The following FBXO3 variants were observed in gnomAD, a reference collection of about 807,000 sequenced individuals.
The protein encoded by FBXO3 is F-box only protein 3.
In FBXO3, 17 loss-of-function variants were observed where a neutral mutation model predicts 64.8. That is an observed-to-expected ratio of 0.26 (90% CI 0.18 to 0.39). FBXO3 has a LOEUF of 0.39. Among genes scored for constraint, FBXO3 ranks in the 10% least tolerant of loss-of-function variants. The pLI, the probability that FBXO3 is intolerant of heterozygous loss-of-function variation, is 1.00. For missense variants in FBXO3, 420 were observed against 589.9 expected (o/e 0.71, Z 2.98); for synonymous variants, 182 against 201.6 (o/e 0.90, Z 0.82).
chr11:33,752,371 G>C (rs991387914), intron 6 of FBXO3, among the ~76,000 whole-genome samples: 1 of 152,128 alleles, frequency 6.6e-6, no homozygotes. Flanking sequence ...ACATCTCAGT[G>C]CCTGGAATGT....
At chr11:33,746,663 C>T (rs773432042) in intron 10 of FBXO3, 23 of 1,091,380 alleles carry the variant, frequency 2.1e-5, no homozygotes, top group Middle Eastern at 2.0e-4. Context: ...ACCCTAAAAA[C>T]GAGATTTTAA....
intron 7 of FBXO3, among the ~76,000 whole-genome samples, chr11:33,751,198 C>G (rs1854947760): frequency 6.6e-6 from 1 of 152,122 alleles, no homozygotes; most frequent in Non-Finnish European, 1.5e-5. Context: ...ACTTGCTATT[C>G]ATAATAAATC....
intron 3 of FBXO3, among the ~76,000 whole-genome samples, chr11:33,765,583 G>C (rs1399071026): frequency 1.3e-5 from 2 of 152,182 alleles, no homozygotes; most frequent in African/African-American, 2.4e-5. Flanking sequence ...AAAGACTAGA[G>C]TTAATCTTTG....
At chr11:33,742,149 A>C in intron 10 of FBXO3, 65 bp from the exon 11 acceptor site, 15 of 1,397,516 alleles carry the variant, frequency 1.1e-5, no homozygotes, top group Non-Finnish European at 1.4e-5. Context: ...ATTTCATGTA[A>C]ATTCTCATTT....
intron 8 of FBXO3, among the ~76,000 whole-genome samples, chr11:33,749,918 A>G (rs1053748723): frequency 1.3e-5 from 2 of 152,134 alleles, no homozygotes; most frequent in African/African-American, 4.8e-5. Flanking sequence ...ATTTTACTCA[A>G]ATACTTCCAG....
In FBXO3 at chr11:33,774,416, A is replaced by G; in HGVS notation, c.82T>C (p.Leu28=). 6.2e-7 allele frequency: 1 copy of G among 1,606,654 alleles called. No homozygotes were observed. The highest frequency in any genetic ancestry group is 8.5e-7 in the Non-Finnish European group (1 of 1,176,720). The change falls in exon 1 of 11, where the codon TTG becomes CTG. Residue 28 remains leucine (L), a synonymous_variant. Transcript: ENST00000265651. ...TDPLLLILSF[L]DYRDLINCCY... The stretch of plus-strand genomic sequence containing the variant: ...TACTTGATTAGATCCCGATAGTCCA[A>G]AAAGGATAAGATGAGGAGCAGGGGA...
In FBXO3 at chr11:33,759,140, A is replaced by C. The variant is rs117105108; in HGVS notation, c.359-539T>G. Among the ~76,000 whole-genome samples, 53 of 152,352 alleles carry C rather than the reference A, an allele frequency of 3.5e-4. 2 individuals are homozygous for C. In the East Asian group the frequency reaches 0.01, roughly 29 times the overall value. On this transcript the variant is annotated intron_variant, in intron 3 of 10. Transcript: ENST00000265651. The stretch of plus-strand genomic sequence containing the variant: ...TGACAAATACCAAGAGATGAGATCG[A>C]CATTCAGCAGCAGCCCACCAGGTTG...
At chr11:33,758,647 A>G (rs368940525) in intron 3 of FBXO3, 46 bp from the exon 4 acceptor site, 1 of 1,366,328 alleles carries the variant, frequency 7.3e-7, no homozygotes, top group Non-Finnish European at 1.0e-6. Flanking sequence ...ACAGCCTTAA[A>G]TCTAAGAAGA....
chr11:33,744,658 G>A (rs1854770018), intron 10 of FBXO3: 2 of 152,104 alleles, frequency 1.3e-5, no homozygotes, highest in Non-Finnish European at 2.9e-5. Context: ...TCTCATCCTT[G>A]AGAGAAAACA....
At chr11:33,756,094 A>C (rs1855089882) in intron 4 of FBXO3, 119 bp from the exon 5 acceptor site, 3 of 713,096 alleles carry the variant, frequency 4.2e-6, no homozygotes, top group Non-Finnish European at 4.7e-6. Context: ...TAACATGACA[A>C]TTCTAAATCA....
At chr11:33,765,350 G>A (rs1855341977) in intron 3 of FBXO3, among the ~76,000 whole-genome samples, 1 of 152,120 alleles carries the variant, frequency 6.6e-6, no homozygotes, top group Non-Finnish European at 1.5e-5. Context: ...GAAGCTGAAT[G>A]GCAACCTGAA....
intron 10 of FBXO3, chr11:33,744,349 CAG>C (rs1854761459): frequency 6.6e-6 from 1 of 152,026 alleles, no homozygotes. Flanking sequence ...GAGGAACACA[CAG>C]AGAGGAGTGG....
chr11:33,770,691 G>A (rs1855490636), intron 2 of FBXO3, 50 bp downstream of exon 2: 1 of 1,411,792 alleles, frequency 7.1e-7, no homozygotes, highest in Admixed American at 1.7e-5. Context: ...TAGTGTTATG[G>A]AAGAAGCCAA....
In FBXO3 at chr11:33,774,457, T is replaced by C; in HGVS notation, c.41A>G (p.Glu14Gly). ...GAGCAGGGGATCGGTGGGCAGCGAC[T>C]CTAGGGTCAGCGGCGCCGTCTCGGT... is the stretch of plus-strand genomic sequence containing the variant. ...METETAPLTL[E>G]SLPTDPLLLI... Residue 14 changes from glutamate to glycine, a missense_variant, in exon 1 of 11, where the codon GAG becomes GGG. Coordinates refer to ENST00000265651, the MANE Select transcript of FBXO3 (RefSeq NM_012175.4). 2 of 1,597,266 alleles carry C rather than the reference T, an allele frequency of 1.3e-6. No individual in the cohort carries two copies. The highest frequency in any genetic ancestry group is 1.7e-6 in the Non-Finnish European group (2 of 1,172,380).
rs747809276 is a variant in FBXO3 at position 33,742,025 on chromosome 11, TTCC to T, written c.1296_1298del (p.Glu433del). 8.7e-6 allele frequency: 14 copies of T among 1,605,940 alleles called. No homozygotes were observed. Among genetic ancestry groups the T allele is most frequent in the South Asian group, 2.2e-5 (2 of 90,758 alleles). On this transcript the variant is annotated inframe_deletion, in exon 11 of 11. Coordinates refer to ENST00000265651, the MANE Select transcript of FBXO3 (RefSeq NM_012175.4). ...TATCTGCTGAATCATCATCCTCGTC[TTCC>T]TCCTCTTCCTCCTCCTCCTCTTCTT...
chr11:33,774,518 TCTGGCCCCGCC>T (rs765139310), exon 1 of FBXO3: 11 of 1,465,816 alleles, frequency 7.5e-6, no homozygotes, highest in East Asian at 5.6e-5. Context: ...CCGGTGCAGG[TCTGGCCCCGCC>T]CTGGCCCCGC....
chr11:33,762,378 T>C lies in FBXO3; in HGVS notation c.359-3777A>G, dbSNP rs532070399. On this transcript the variant is annotated intron_variant, in intron 3 of 10. Coordinates refer to ENST00000265651, the MANE Select transcript of FBXO3 (RefSeq NM_012175.4). The stretch of plus-strand genomic sequence containing the variant: ...AGTATACACAAAACACTGACCAAAA[T>C]AGATCACATACCGGACCACAGAATA... Among the ~76,000 whole-genome samples, 9 of 152,202 alleles carry C rather than the reference T, an allele frequency of 5.9e-5. No individual in the cohort carries two copies. The Middle Eastern group carries it at 0.01, about 173-fold the overall frequency.
chr11:33,773,438 T>C (rs7930105), intron 1 of FBXO3: 26,314 of 152,030 alleles, frequency 0.17, 2,407 homozygotes, highest in Non-Finnish European at 0.2. Flanking sequence ...CAGGGCACAA[T>C]CATCAAATGG....
chr11:33,769,541 A>G (rs1276254510), intron 2 of FBXO3, among the ~76,000 whole-genome samples: 2 of 152,200 alleles, frequency 1.3e-5, no homozygotes, highest in African/African-American at 2.4e-5. Flanking sequence ...AATAAGGCAC[A>G]TTTTTTACCT....
Sources: allele counts gnomAD v4.1 joint callset (sites outside exome capture counted in the v4.1 genomes callset), GRCh38; gene constraint gnomAD v4.1.1; transcripts MANE v1.5; gene names NCBI Gene and HGNC (gene_info 2026-07-23, HGNC 2026-07-21).